Variants in PLEKHA5 observed in about 807,000 individuals in gnomAD.
The protein encoded by PLEKHA5 is pleckstrin homology domain containing A5, also known as pleckstrin homology domain-containing family A member 5.
PLEKHA5 carries 55 observed loss-of-function variants against 181.9 expected under a neutral mutation model. The observed-to-expected ratio is 0.30, with a 90% CI of 0.24 to 0.38. The LOEUF (loss-of-function observed/expected upper bound fraction) is 0.38. PLEKHA5 is among the 10% of genes least tolerant of loss of function. The pLI is 1.00. For synonymous variants in PLEKHA5, 535 were observed against 529.4 expected (o/e 1.01, Z -0.15); for missense variants, 1,432 against 1,549.5 (o/e 0.92, Z 1.27).
intron 3 of PLEKHA5, among the ~76,000 whole-genome samples, chr12:19,238,799 CAAAAAAAAAAAA>C (rs3056444): frequency 3.5e-5 from 3 of 85,518 alleles, no homozygotes; most frequent in South Asian, 8.4e-4. Context: ...TAAATCTGGC[CAAAAAAAAAAAA>C]AAAAAAAAAG....
At chr12:19,287,947 G>A in intron 13 of PLEKHA5, 2 of 228,020 alleles carry the variant, frequency 8.8e-6, no homozygotes, top group South Asian at 1.2e-4. Flanking sequence ...GCATGGTGGT[G>A]CGTGCCTGTA....
At chr12:19,348,013 G>A (rs1003651305) in intron 24 of PLEKHA5, among the ~76,000 whole-genome samples, 1 of 151,648 alleles carries the variant, frequency 6.6e-6, no homozygotes, top group Admixed American at 6.6e-5. Flanking sequence ...CTTCTGAATG[G>A]CTGGGATTAT....
intron 5 of PLEKHA5, 135 bp from the exon 6 acceptor site, chr12:19,257,297 TA>T: frequency 1.9e-6 from 1 of 527,272 alleles, no homozygotes; most frequent in Non-Finnish European, 3.3e-6. Context: ...AGTAGAATTT[TA>T]ATAATTTTTC....
intron 11 of PLEKHA5, among the ~76,000 whole-genome samples, chr12:19,280,670 A>T (rs961926590): frequency 1.3e-5 from 2 of 152,074 alleles, no homozygotes; most frequent in Non-Finnish European, 2.9e-5. Flanking sequence ...TGATATTAGG[A>T]TATAAATTTA....
intron 3 of PLEKHA5, among the ~76,000 whole-genome samples, chr12:19,190,603 A>G (rs118135133): frequency 0.033 from 5,065 of 152,358 alleles, 119 homozygotes; most frequent in Non-Finnish European, 0.052. Context: ...AAAGCCCAGC[A>G]TATCTAATCA....
intron 3 of PLEKHA5, among the ~76,000 whole-genome samples, chr12:19,230,975 T>A (rs765599944): frequency 6.6e-6 from 1 of 152,218 alleles, no homozygotes; most frequent in Non-Finnish European, 1.5e-5. Context: ...TCATTGAGTT[T>A]GTTGCAGAGA....
intron 3 of PLEKHA5, among the ~76,000 whole-genome samples, chr12:19,204,062 G>C (rs1424794210): frequency 6.6e-6 from 1 of 151,956 alleles, no homozygotes; most frequent in Non-Finnish European, 1.5e-5. Flanking sequence ...TATCTTAGCT[G>C]TTTCCATGGG....
chr12:19,319,027 CT>C (rs200105898), intron 16 of PLEKHA5, among the ~76,000 whole-genome samples: 12 of 152,088 alleles, frequency 7.9e-5, no homozygotes, highest in Admixed American at 2.6e-4. Flanking sequence ...CATTGTCTTA[CT>C]TTTTTTATCA....
At chr12:19,355,605 C>A (rs112539918) in intron 26 of PLEKHA5, among the ~76,000 whole-genome samples, 1 of 151,184 alleles carries the variant, frequency 6.6e-6, no homozygotes, top group Non-Finnish European at 1.5e-5. Flanking sequence ...AGTACAACTA[C>A]AAAGTACATG....
chr12:19,132,721 C>T (rs1435930003), intron 3 of PLEKHA5, among the ~76,000 whole-genome samples: 1 of 145,782 alleles, frequency 6.9e-6, no homozygotes, highest in African/African-American at 2.5e-5. Context: ...TTTGTATCTT[C>T]GTTTTTTTCT....
chr12:19,258,486 A>G (rs911965776), intron 6 of PLEKHA5, among the ~76,000 whole-genome samples: 18 of 150,260 alleles, frequency 1.2e-4, no homozygotes, highest in Admixed American at 9.3e-4. Flanking sequence ...CATTGACTAT[A>G]TTTTAACCAT....
chr12:19,145,101 G>A lies in PLEKHA5; in HGVS notation c.227+12651G>A, dbSNP rs889611211. Among the ~76,000 whole-genome samples, 4 of 152,274 alleles carry A rather than the reference G, an allele frequency of 2.6e-5. No individual in the cohort carries two copies. The South Asian group carries it at 8.3e-4, about 32-fold the overall frequency. On this transcript the variant is annotated intron_variant, in intron 3 of 31. Coordinates refer to ENST00000429027, the MANE Select transcript of PLEKHA5 (RefSeq NM_001256470.2). ...CAAACATGAGGATCAAAGTACCTAT[G>A]CTAGTAATCAAGATAGTAGTGCCTT...
chr12:19,306,666 G>C, intron 15 of PLEKHA5: 5 of 1,456,238 alleles, frequency 3.4e-6, no homozygotes, highest in Non-Finnish European at 4.8e-6. Flanking sequence ...TGATCTCCCC[G>C]GGCGCTAGCT....
chr12:19,239,554 T>C (rs1231499297), intron 3 of PLEKHA5, among the ~76,000 whole-genome samples: 1 of 152,262 alleles, frequency 6.6e-6, no homozygotes, highest in African/African-American at 2.4e-5. Flanking sequence ...AGTGCATTAC[T>C]ATCTGGGCCT....
At chr12:19,208,651 G>T (rs1492127) in intron 3 of PLEKHA5, among the ~76,000 whole-genome samples, 127,829 of 152,102 alleles carry the variant, frequency 0.84, 55,227 homozygotes, top group Non-Finnish European at 0.95. Context: ...AGTTTTCTTT[G>T]CTGTAACCTA....
chr12:19,319,940 C>T (rs2090176834), intron 16 of PLEKHA5, 81 bp from the exon 17 acceptor site: 2 of 885,658 alleles, frequency 2.3e-6, no homozygotes, highest in Admixed American at 2.9e-5. Context: ...TAGTTTATAA[C>T]ATAGGCTTTC....
intron 3 of PLEKHA5, among the ~76,000 whole-genome samples, chr12:19,193,799 T>C (rs1280576764): frequency 1.3e-5 from 2 of 152,174 alleles, no homozygotes; most frequent in Admixed American, 6.5e-5. Context: ...TGCAAGGCTG[T>C]GCAAGGATGG....
intron 19 of PLEKHA5, 57 bp from the exon 20 acceptor site, chr12:19,322,461 A>T (rs372573175): frequency 6.3e-7 from 1 of 1,587,558 alleles, no homozygotes; most frequent in East Asian, 2.2e-5. Flanking sequence ...ACTGATAAGT[A>T]AAAAGAATTA....
chr12:19,358,173 C>A, intron 26 of PLEKHA5, 55 bp from the exon 27 acceptor site: 1 of 1,181,416 alleles, frequency 8.5e-7, no homozygotes, highest in Non-Finnish European at 1.2e-6. Flanking sequence ...TTTATTCCAT[C>A]ATACTTTTCA....
Sources: gnomAD v4.1 joint callset for allele counts (sites outside exome capture counted in the v4.1 genomes callset) on GRCh38, gnomAD v4.1.1 for gene constraint, MANE v1.5 for transcripts, NCBI Gene and HGNC (gene_info 2026-07-23, HGNC 2026-07-21) for gene names.